Variants in AFG2A observed in about 807,000 individuals in gnomAD.
AFG2A encodes the protein ATPase family gene 2 protein homolog A.
chr4:123,017,091 C>T, the AFG2A span, among the ~76,000 whole-genome samples: 13 of 150,364 alleles, frequency 8.6e-5, no homozygotes, highest in African/African-American at 1.5e-4. Flanking sequence ...AGCTTCGGCT[C>T]GGCATCAGTG....
At chr4:122,929,081 G>A in the AFG2A span, 2 of 1,613,898 alleles carry the variant, frequency 1.2e-6, no homozygotes, top group Middle Eastern at 3.3e-4. Flanking sequence ...CTGGAGGCAA[G>A]GTCGGCCTGA....
chr4:123,050,260 C>G, the AFG2A span, among the ~76,000 whole-genome samples: 1 of 152,136 alleles, frequency 6.6e-6, no homozygotes, highest in Non-Finnish European at 1.5e-5. Flanking sequence ...GTGCTGATAA[C>G]AAGAATGTGT....
chr4:123,004,695 T>C, the AFG2A span, among the ~76,000 whole-genome samples: 1 of 152,222 alleles, frequency 6.6e-6, no homozygotes, highest in Non-Finnish European at 1.5e-5. Flanking sequence ...TTTCTTAGAA[T>C]GTTTTTGTCT....
At chr4:123,046,915 T>C in the AFG2A span, among the ~76,000 whole-genome samples, 1 of 152,212 alleles carries the variant, frequency 6.6e-6, no homozygotes, top group Non-Finnish European at 1.5e-5. Flanking sequence ...GCCTAGCTTA[T>C]TGCACTTAAC....
At chr4:123,276,146 CTG>C in the AFG2A span, among the ~76,000 whole-genome samples, 1 of 152,136 alleles carries the variant, frequency 6.6e-6, no homozygotes, top group Non-Finnish European at 1.5e-5. Context: ...TCACCAGAAT[CTG>C]TTATTTTTTT....
chr4:123,271,014 A>G, the AFG2A span, among the ~76,000 whole-genome samples: 1 of 152,200 alleles, frequency 6.6e-6, no homozygotes, highest in Non-Finnish European at 1.5e-5. Context: ...AAGCAAAGCC[A>G]TGAAGGTATA....
the AFG2A span, among the ~76,000 whole-genome samples, chr4:123,188,406 C>G: frequency 1.3e-5 from 2 of 152,096 alleles, no homozygotes; most frequent in African/African-American, 4.8e-5. Flanking sequence ...AAAATATTAA[C>G]AGTAACTTGA....
chr4:123,079,544 T>A, the AFG2A span, among the ~76,000 whole-genome samples: 1 of 151,996 alleles, frequency 6.6e-6, no homozygotes, highest in Non-Finnish European at 1.5e-5. Flanking sequence ...CATGAACTCC[T>A]CTAGGTAGGG....
the AFG2A span, chr4:123,317,993 T>TC: frequency 6.6e-6 from 1 of 152,196 alleles, no homozygotes; most frequent in African/African-American, 2.4e-5. Context: ...GGGTGGGTGA[T>TC]GGGAATATAG....
chr4:122,946,179 T>C, the AFG2A span, among the ~76,000 whole-genome samples: 1 of 152,260 alleles, frequency 6.6e-6, no homozygotes, highest in Non-Finnish European at 1.5e-5. Context: ...ATGTTTGTGT[T>C]TATGGATGAC....
the AFG2A span, among the ~76,000 whole-genome samples, chr4:123,304,062 G>A: frequency 6.6e-6 from 1 of 152,050 alleles, no homozygotes; most frequent in Non-Finnish European, 1.5e-5. Context: ...TTTCAGTGAA[G>A]TGGCATTTTA....
chr4:123,153,031 G>T, the AFG2A span, among the ~76,000 whole-genome samples: 3 of 152,070 alleles, frequency 2.0e-5, no homozygotes, highest in Admixed American at 6.6e-5. Flanking sequence ...GATTATCAAA[G>T]AATTTTCCTC....
chr4:123,016,216 TC>T, the AFG2A span, among the ~76,000 whole-genome samples: 1 of 84,820 alleles, frequency 1.2e-5, no homozygotes, highest in Admixed American at 1.2e-4. Flanking sequence ...AGGGGGCTGA[TC>T]CCCCCACCTC....
chr4:122,944,033 G>C, the AFG2A span, among the ~76,000 whole-genome samples: 1 of 152,116 alleles, frequency 6.6e-6, no homozygotes, highest in Non-Finnish European at 1.5e-5. Flanking sequence ...TTCCCTTTGT[G>C]GGTAACCTGA....
chr4:123,066,833 ACAAAG>A, the AFG2A span, among the ~76,000 whole-genome samples: 3 of 152,242 alleles, frequency 2.0e-5, no homozygotes, highest in Non-Finnish European at 4.4e-5. Flanking sequence ...GCTGAGGAAA[ACAAAG>A]CAAGAGACGA....
At chr4:123,176,480 T>C in the AFG2A span, among the ~76,000 whole-genome samples, 1 of 152,218 alleles carries the variant, frequency 6.6e-6, no homozygotes, top group Non-Finnish European at 1.5e-5. Context: ...CAGCAAGTCC[T>C]ATAACATAAT....
chr4:123,270,909 C>T, the AFG2A span, among the ~76,000 whole-genome samples: 4 of 152,292 alleles, frequency 2.6e-5, no homozygotes, highest in East Asian at 1.9e-4. Context: ...ATCTTAAAGA[C>T]GATGAAAGGC....
chr4:123,109,268 G>A, the AFG2A span, among the ~76,000 whole-genome samples: 2,114 of 152,198 alleles, frequency 0.014, 55 homozygotes, highest in African/African-American at 0.049. Flanking sequence ...TAGAATTAAG[G>A]CATTTAGCTA....
chr4:123,047,668 G>C, the AFG2A span, among the ~76,000 whole-genome samples: 1 of 148,778 alleles, frequency 6.7e-6, no homozygotes, highest in African/African-American at 2.5e-5. Context: ...TTTTCTTCTA[G>C]TAGTTTCATA....
Sources: gnomAD v4.1 joint callset for allele counts (sites outside exome capture counted in the v4.1 genomes callset) on GRCh38, gnomAD v4.1.1 for gene constraint, MANE v1.5 for transcripts, NCBI Gene and HGNC (gene_info 2026-07-23, HGNC 2026-07-21) for gene names.